Variants in WHRN observed in about 807,000 individuals in gnomAD.
WHRN encodes whirlin, also known as CASK-interacting protein CIP98.
WHRN carries 41 observed loss-of-function variants against 68.3 expected under a neutral mutation model. The ratio of observed to expected loss-of-function variants is 0.60; its 90% CI spans 0.47 to 0.78. WHRN has a LOEUF of 0.78. Among genes scored for constraint, WHRN ranks in the 30% least tolerant of loss-of-function variants. WHRN has a pLI of 0.00. For missense variants in WHRN, 1,243 were observed against 1,244.7 expected (o/e 1.00, Z 0.02); for synonymous variants, 560 against 561.3 (o/e 1.00, Z 0.03).
At chr9:114,484,225 G>A (rs1455932823) in intron 1 of WHRN, among the ~76,000 whole-genome samples, 1 of 152,202 alleles carries the variant, frequency 6.6e-6, no homozygotes, top group African/African-American at 2.4e-5. Context: ...CCGAGGCCAC[G>A]GCTGTGTCCT....
chr9:114,447,599 T>C (rs1437015283), intron 3 of WHRN, among the ~76,000 whole-genome samples: 2 of 152,190 alleles, frequency 1.3e-5, no homozygotes, highest in African/African-American at 2.4e-5. Flanking sequence ...CAAGACCCCA[T>C]GTGTTGTCCA....
At chr9:114,461,722 A>G (rs764462933) in intron 3 of WHRN, among the ~76,000 whole-genome samples, 14 of 152,092 alleles carry the variant, frequency 9.2e-5, no homozygotes, top group Non-Finnish European at 1.8e-4. Flanking sequence ...TTAAATTTCA[A>G]CCGAAATGCT....
At chr9:114,462,562 G>A (rs1840332664) in intron 3 of WHRN, among the ~76,000 whole-genome samples, 1 of 152,186 alleles carries the variant, frequency 6.6e-6, no homozygotes, top group South Asian at 2.1e-4. Context: ...TAACAGCTCT[G>A]ATAACAGAAA....
chr9:114,412,501 G>A (rs10759698), intron 7 of WHRN, among the ~76,000 whole-genome samples: 30,619 of 152,098 alleles, frequency 0.2, 3,574 homozygotes, highest in East Asian at 0.33. Context: ...ATCAGAGCGG[G>A]AAGGTCATCT....
intron 3 of WHRN, among the ~76,000 whole-genome samples, chr9:114,438,454 CTTT>C (rs869187937): frequency 4.5e-5 from 6 of 134,190 alleles, no homozygotes; most frequent in Admixed American, 7.5e-5. Context: ...TCTTTTTTTT[CTTT>C]TTTTTTTTTT....
At position 114,505,003 on chromosome 9, in the gene WHRN, G is replaced by T. The variant is rs1374537454; in HGVS notation, c.-202C>A. 2.8e-6 allele frequency: 2 copies of T among 714,176 alleles called. No homozygotes were observed. Among genetic ancestry groups the T allele is most frequent in the Admixed American group, 8.8e-5 (2 of 22,650 alleles). 44.2% of individuals were successfully genotyped at this position (714,176 alleles called of 1,614,324 possible). A position where few individuals can be genotyped will look rare whatever the true frequency, so the allele number is the denominator to read the frequency against. On this transcript the variant is annotated 5_prime_UTR_variant, in exon 1 of 12. Transcript: ENST00000362057. Reference sequence around the variant, plus strand: ...AGAGTCCCGGAGGCGCGAAGACGGCGGGGGTCGCGAACCTGGAATCCGGGG... The same window carrying T: ...AGAGTCCCGGAGGCGCGAAGACGGCTGGGGTCGCGAACCTGGAATCCGGGG...
chr9:114,402,883 C>T lies in WHRN; in HGVS notation c.2595G>A (p.Leu865=), dbSNP rs745912818. 4.3e-6 allele frequency: 7 copies of T among 1,613,942 alleles called. No homozygotes were observed. Among genetic ancestry groups the T allele is most frequent in the Non-Finnish European group, 5.9e-6 (7 of 1,180,002 alleles). The change falls in exon 12 of 12, where the codon CTG becomes CTA. Residue 865 remains leucine (L), a synonymous_variant. Coordinates refer to ENST00000362057, the MANE Select transcript of WHRN (RefSeq NM_015404.4). ...CGQLKVGHVI[L]EVNGLTLRGK... is the part of the protein sequence containing the mutation. ...CCCGAAGCGTCAGCCCATTCACTTC[C>T]AGAATCACGTGGCCCACCTTGAGCT...
chr9:114,500,337 G>A (rs1843816748), intron 1 of WHRN, among the ~76,000 whole-genome samples: 1 of 152,204 alleles, frequency 6.6e-6, no homozygotes, highest in Non-Finnish European at 1.5e-5. Flanking sequence ...CAGACATAAA[G>A]TTGGAAGAGG....
intron 1 of WHRN, 38 bp from the exon 2 acceptor site, chr9:114,478,809 G>T: frequency 6.3e-7 from 1 of 1,579,786 alleles, no homozygotes. Context: ...AGGAAGGGAG[G>T]TGCCGGGGGT....
rs774990250 is a variant in WHRN, at chr9:114,403,887, C to G, written c.2418+9G>C. 6.2e-7 allele frequency: 1 copy of G among 1,610,184 alleles called. No individual in the cohort carries two copies. Among genetic ancestry groups the G allele is most frequent in the Non-Finnish European group, 8.5e-7 (1 of 1,180,012 alleles). ...CTCAGCCCTCTGCATCCTCCTCCTC[C>G]TGGCTCACCGGTTTGTTGGCCCCAT... On this transcript the variant is annotated intron_variant, in intron 10 of 11. Coordinates refer to ENST00000362057, the MANE Select transcript of WHRN (RefSeq NM_015404.4).
At chr9:114,487,357 T>C (rs981360838) in intron 1 of WHRN, among the ~76,000 whole-genome samples, 4 of 149,928 alleles carry the variant, frequency 2.7e-5, no homozygotes, top group African/African-American at 7.4e-5. Context: ...TATATACATA[T>C]ACAAGCTTAT....
Position 114,423,512 on chromosome 9 carries a change from G to A in WHRN, c.1428C>T (p.Leu476=), listed in dbSNP as rs1184495040. ...GGGAAATGGTGCCTCTCACCTCAGAGAGGAGTGAGAACTGGAGGCGGGGAC... is the reference window on the plus strand; with the variant it reads ...GGGAAATGGTGCCTCTCACCTCAGAAAGGAGTGAGAACTGGAGGCGGGGAC... ...LLNTHAKFSL[L]SEVRGTISPQ... Residue 476 remains leucine, a synonymous_variant, in exon 7 of 12, where the codon CTC becomes CTT. Coordinates refer to ENST00000362057, the MANE Select transcript of WHRN (RefSeq NM_015404.4). 8.7e-6 allele frequency: 14 copies of A among 1,608,458 alleles called. No homozygotes were observed. Among genetic ancestry groups the A allele is most frequent in the Non-Finnish European group, 1.1e-5 (13 of 1,175,618 alleles).
At chr9:114,499,705 T>G (rs1009864406) in intron 1 of WHRN, among the ~76,000 whole-genome samples, 4 of 152,184 alleles carry the variant, frequency 2.6e-5, no homozygotes, top group Non-Finnish European at 5.9e-5. Context: ...CACTGACAGG[T>G]GCAGGCAGGC....
At chr9:114,482,847 C>A (rs372168036) in intron 1 of WHRN, among the ~76,000 whole-genome samples, 82 of 152,298 alleles carry the variant, frequency 5.4e-4, no homozygotes, top group African/African-American at 1.9e-3. Flanking sequence ...CCACAGAGAG[C>A]CAGCGCCGGA....
chr9:114,470,659 C>T (rs560422786), intron 2 of WHRN, among the ~76,000 whole-genome samples: 1 of 152,146 alleles, frequency 6.6e-6, no homozygotes, highest in Non-Finnish European at 1.5e-5. Context: ...GCTGAGGACA[C>T]AGTAGGCAGC....
At chr9:114,458,082 A>T (rs1473144494) in intron 3 of WHRN, among the ~76,000 whole-genome samples, 1 of 152,200 alleles carries the variant, frequency 6.6e-6, no homozygotes, top group Admixed American at 6.5e-5. Flanking sequence ...CATATTTTTT[A>T]AAATCTTTAC....
At chr9:114,436,555 G>A (rs112538053) in intron 3 of WHRN, among the ~76,000 whole-genome samples, 13 of 152,260 alleles carry the variant, frequency 8.5e-5, no homozygotes, top group African/African-American at 1.9e-4. Flanking sequence ...TTGGTCCGGC[G>A]CAGTGGCTCA....
At position 114,466,305 on chromosome 9, in the gene WHRN, C is replaced by A. The variant is rs753379063; in HGVS notation, c.925G>T (p.Val309Leu). The A allele has an allele frequency of 4.3e-6, 7 of 1,614,120 alleles. No homozygotes were observed. In the South Asian group the frequency reaches 6.6e-5, roughly 15 times the overall value. ...CCTTCTGCTTCAGAGCCTGGGTCCACGCCAGTGATGTAAATGCCAAGGCCG... is the reference window on the plus strand; with the variant it reads ...CCTTCTGCTTCAGAGCCTGGGTCCAAGCCAGTGATGTAAATGCCAAGGCCG... ...EYGLGIYITGVDPGSEAEGSG... is the reference protein window; with the variant it reads ...EYGLGIYITGLDPGSEAEGSG... The change falls in exon 3 of 12, where the codon GTG becomes TTG. Residue 309 changes from valine (V) to leucine (L), a missense_variant. Val to Leu is a conservative substitution (Grantham distance 32). Transcript: ENST00000362057.
chr9:114,402,867 T>C lies in WHRN; in HGVS notation c.2611A>G (p.Thr871Ala), dbSNP rs779001003. The C allele has an allele frequency of 2.9e-5, 47 of 1,613,900 alleles. No homozygotes were observed. Among genetic ancestry groups the C allele is most frequent in the Non-Finnish European group, 3.9e-5 (46 of 1,180,026 alleles). ...GHVILEVNGL[T>A]LRGKEHREAA... is the part of the protein sequence containing the mutation. ...TCCCGGTGCTCCTTGCCCCGAAGCG[T>C]CAGCCCATTCACTTCCAGAATCACG... Residue 871 changes from threonine (T) to alanine (A), a missense_variant, in exon 12 of 12, where the codon ACG (threonine) becomes GCG (alanine). Transcript: ENST00000362057.
Sources: gnomAD v4.1 joint callset for allele counts (sites outside exome capture counted in the v4.1 genomes callset) on GRCh38, gnomAD v4.1.1 for gene constraint, MANE v1.5 for transcripts, NCBI Gene and HGNC (gene_info 2026-07-23, HGNC 2026-07-21) for gene names.